The following NCBP3 variants were observed in gnomAD, a reference collection of about 807,000 sequenced individuals.
NCBP3 encodes the protein nuclear cap-binding protein subunit 3.
Under a neutral mutation model 75.7 loss-of-function variants are expected in NCBP3, and 20 were observed. That is an observed-to-expected ratio of 0.26 (90% confidence interval 0.19 to 0.38). The LOEUF is 0.38. NCBP3 is among the 10% of genes least tolerant of loss of function. The probability of loss-of-function intolerance (pLI) is 1.00; values close to 1 mark genes in which losing one functional copy is unlikely to be tolerated. For synonymous variants in NCBP3, 293 were observed against 290.5 expected (o/e 1.01, Z -0.09); for missense variants, 678 against 796.9 (o/e 0.85, Z 1.80).
rs1295214968 is a variant in NCBP3 at position 3,808,230 on chromosome 17, C to T, written c.*4814G>A. On this transcript the variant is annotated 3_prime_UTR_variant, in exon 13 of 13. Transcript: ENST00000389005. ...AGCCCTAACTGCAGGCCAATCACTT[C>T]ACCTGGTACTCAACCAAACAGTAAT... 2 of 152,250 alleles carry T rather than the reference C, an allele frequency of 1.3e-5. No individual in the cohort carries two copies. The highest frequency in any genetic ancestry group is 2.9e-5 in the Non-Finnish European group (2 of 68,046). 9.4% of individuals were successfully genotyped at this position (152,250 alleles called of 1,614,324 possible). A position where few individuals can be genotyped will look rare whatever the true frequency, so the allele number is the denominator to read the frequency against.
At position 3,824,622 on chromosome 17, in the gene NCBP3, G is replaced by C. The variant is rs374219909; in HGVS notation, c.796+320C>G. Reference sequence around the variant, plus strand: ...GTACACTGGCAATGTTCAGGAGGACGTTGCTGTAATAAATAAAGTTTCATT... The same window carrying C: ...GTACACTGGCAATGTTCAGGAGGACCTTGCTGTAATAAATAAAGTTTCATT... On this transcript the variant is annotated intron_variant, in intron 7 of 12. Coordinates refer to ENST00000389005, the MANE Select transcript of NCBP3 (RefSeq NM_001114118.3). 27 of 190,750 alleles carry C rather than the reference G, an allele frequency of 1.4e-4. No individual in the cohort carries two copies. The South Asian group carries it at 2.4e-3, about 17-fold the overall frequency. The allele number at this position is 190,750 out of a possible 1,614,324, so 11.8% of individuals were successfully genotyped here.
At chr17:3,819,516 C>T (rs1435282523) in intron 9 of NCBP3, among the ~76,000 whole-genome samples, 3 of 150,672 alleles carry the variant, frequency 2.0e-5, no homozygotes, top group Admixed American at 6.6e-5. Flanking sequence ...GCCGAGATCG[C>T]GCCACTGCAC....
intron 3 of NCBP3, among the ~76,000 whole-genome samples, chr17:3,838,996 T>C (rs942649403): frequency 1.2e-4 from 18 of 152,210 alleles, no homozygotes; most frequent in Non-Finnish European, 1.5e-5. Context: ...GGCTGCCTAC[T>C]AAACCCTTTA....
At chr17:3,836,609 C>A (rs529225364) in intron 3 of NCBP3, among the ~76,000 whole-genome samples, 3 of 147,292 alleles carry the variant, frequency 2.0e-5, no homozygotes, top group African/African-American at 7.5e-5. Context: ...GCCAAGATTG[C>A]GCCACTGCAC....
At chr17:3,817,621 T>G (rs187340759) in intron 10 of NCBP3, among the ~76,000 whole-genome samples, 2 of 151,656 alleles carry the variant, frequency 1.3e-5, no homozygotes, top group Admixed American at 6.6e-5. Context: ...AGAGCGAGAC[T>G]CCGTCTCAAA....
Position 3,816,181 on chromosome 17 carries a change from C to T in NCBP3, c.1400G>A (p.Arg467Gln), listed in dbSNP as rs756290280. The T allele has an allele frequency of 1.9e-6, 3 of 1,614,076 alleles. No homozygotes were observed. Among genetic ancestry groups the T allele is most frequent in the South Asian group, 1.1e-5 (1 of 91,068 alleles). ...KLPPEKFADVRHLLDEKRQHS... is the reference protein window; with the variant it reads ...KLPPEKFADVQHLLDEKRQHS... ...CTGACGTTTCTCATCTAATAGATGT[C>T]GGACATCTGCAAATTTCTCAGGTGG... Residue 467 changes from arginine (R) to glutamine (Q), a missense_variant, in exon 11 of 13, where the codon CGA (arginine) becomes CAA (glutamine). Around this residue, in one of 7 missense-constraint regions of NCBP3, gnomAD observed 365 missense variants for 392.7 expected, o/e 0.93. Transcript: ENST00000389005.
Position 3,826,259 on chromosome 17 carries a change from G to T in NCBP3, c.482-44C>A, listed in dbSNP as rs74710166. 1.5e-3 allele frequency: 2,306 copies of T among 1,503,148 alleles called. 17 individuals carry two copies. The East Asian group carries it at 0.017, about 11-fold the overall frequency. 93.1% of individuals were successfully genotyped at this position (1,503,148 alleles called of 1,614,324 possible). On this transcript the variant is annotated intron_variant, in intron 4 of 12. Coordinates refer to ENST00000389005, the MANE Select transcript of NCBP3 (RefSeq NM_001114118.3). ...TAAGACATTACACAGCATGGAAATG[G>T]TAAGCTTCTTGAGAGCAGATTCTGC... is the stretch of plus-strand genomic sequence containing the variant.
Position 3,843,367 on chromosome 17 carries a change from G to A in NCBP3, c.184-216C>T, listed in dbSNP as rs2054101121. ...CTCACGCCATCCTCCCCCTCAGCTG[G>A]GCCCTCAGGCATATGCCACCATGCC... is the stretch of plus-strand genomic sequence containing the variant. On this transcript the variant is annotated intron_variant, in intron 1 of 12. Transcript: ENST00000389005. Among the ~76,000 whole-genome samples the A allele has an allele frequency of 2.6e-5, 4 of 151,708 alleles. No individual in the cohort carries two copies. The South Asian group carries it at 8.4e-4, about 32-fold the overall frequency.
rs532870297 is a variant in NCBP3, at chr17:3,809,655, G to A, written c.*3389C>T. On this transcript the variant is annotated 3_prime_UTR_variant, in exon 13 of 13. Coordinates refer to ENST00000389005, the MANE Select transcript of NCBP3 (RefSeq NM_001114118.3). The stretch of plus-strand genomic sequence containing the variant: ...CCGGAGGTGGAGGTTGCAGTGGGCC[G>A]AGATCGTGCCATTGCACTCCAGCCT... 45 of 152,354 alleles carry A rather than the reference G, an allele frequency of 3.0e-4. No homozygotes were observed. Among genetic ancestry groups the A allele is most frequent in the African/African-American group, 9.6e-4 (40 of 41,564 alleles). 9.4% of individuals were successfully genotyped at this position (152,354 alleles called of 1,614,324 possible).
At position 3,818,158 on chromosome 17, in the gene NCBP3, G is replaced by A; in HGVS notation, c.1310+105C>T. ...GTTTATTAAACTCCTACAAGGGACT[G>A]AAATCAGAATAGATAAAAGATATTA... On this transcript the variant is annotated intron_variant, in intron 10 of 12. Coordinates refer to ENST00000389005, the MANE Select transcript of NCBP3 (RefSeq NM_001114118.3). This position sits in a 1 kb window ranked among gnomAD's most constrained non-coding sequence, Gnocchi z 4.7. The A allele has an allele frequency of 1.0e-6, 1 of 953,380 alleles. No individual in the cohort carries two copies. Among genetic ancestry groups the A allele is most frequent in the Non-Finnish European group, 1.5e-6 (1 of 665,022 alleles). The allele number at this position is 953,380 out of a possible 1,614,324, so 59.1% of individuals were successfully genotyped here.
chr17:3,834,533 TGGAAGGCCGAGGCG>T (rs1332200940), intron 3 of NCBP3, among the ~76,000 whole-genome samples: 3 of 152,318 alleles, frequency 2.0e-5, no homozygotes, highest in Middle Eastern at 3.4e-3. Flanking sequence ...CCCAACACTT[TGGAAGGCCGAGGCG>T]GGCAGATCAC....
Position 3,811,117 on chromosome 17 carries a change from G to T in NCBP3, c.*1927C>A, listed in dbSNP as rs1349919837. On this transcript the variant is annotated 3_prime_UTR_variant, in exon 13 of 13. Transcript: ENST00000389005. ...AATTCATGCTGGCGAGCCCACTGCC[G>T]TCACAGCTTGGGAAGAGTAAACCGC... 1 of 152,256 alleles carries T rather than the reference G, an allele frequency of 6.6e-6. No individual in the cohort carries two copies. 9.4% of individuals were successfully genotyped at this position (152,256 alleles called of 1,614,324 possible).
In NCBP3 at chr17:3,822,224, G is replaced by A. The variant is rs2053680980; in HGVS notation, c.797-172C>T. On this transcript the variant is annotated intron_variant, in intron 7 of 12. Transcript: ENST00000389005. ...TGAGTGCCCACTACAGCAATGCAGT[G>A]TAGAGGGGATAAAGCAAAATACAGA... 5.3e-6 allele frequency: 3 copies of A among 563,374 alleles called. No homozygotes were observed. The Admixed American group carries it at 9.9e-5, about 19-fold the overall frequency. The allele number at this position is 563,374 out of a possible 1,614,324, so 34.9% of individuals were successfully genotyped here.
In NCBP3 at chr17:3,812,995, T is replaced by G; in HGVS notation, c.*49A>C. 1 of 1,610,224 alleles carries G rather than the reference T, an allele frequency of 6.2e-7. No individual in the cohort carries two copies. Among genetic ancestry groups the G allele is most frequent in the Non-Finnish European group, 8.5e-7 (1 of 1,177,776 alleles). On this transcript the variant is annotated 3_prime_UTR_variant, in exon 13 of 13. Coordinates refer to ENST00000389005, the MANE Select transcript of NCBP3 (RefSeq NM_001114118.3). ...GAGGTTCCTACTGCGCGCCCCACCCTGTGCAAGAATGTCAGGCTTTAGGGC... is the reference window on the plus strand; with the variant it reads ...GAGGTTCCTACTGCGCGCCCCACCCGGTGCAAGAATGTCAGGCTTTAGGGC...
At chr17:3,837,884 G>A (rs955285656) in intron 3 of NCBP3, among the ~76,000 whole-genome samples, 1 of 151,928 alleles carries the variant, frequency 6.6e-6, no homozygotes, top group South Asian at 2.1e-4. Context: ...ACAAAGAATC[G>A]ACTGAAATAA....
At chr17:3,840,043 A>G in intron 3 of NCBP3, 57 bp downstream of exon 3, 1 of 1,359,174 alleles carries the variant, frequency 7.4e-7, no homozygotes. Flanking sequence ...AGGTGATGGC[A>G]GGGAAAAGGC....
At chr17:3,827,122 G>A (rs944154629) in intron 4 of NCBP3, among the ~76,000 whole-genome samples, 1 of 150,080 alleles carries the variant, frequency 6.7e-6, no homozygotes, top group African/African-American at 2.5e-5. Flanking sequence ...GGGAAGGGGA[G>A]GGAAAAGAAA....
Position 3,822,042 on chromosome 17 carries a change from CT to C in NCBP3, c.806del (p.Lys269ArgfsTer13). The C allele has an allele frequency of 6.2e-7, 1 of 1,605,204 alleles. No individual in the cohort carries two copies. Among genetic ancestry groups the C allele is most frequent in the Non-Finnish European group, 8.5e-7 (1 of 1,174,662 alleles). ...GACTTCTTCTGGCTGCTCCAAGTTC[CT>C]TTTTGTCATCTAAAAATTAATGACA... ...FMRFATKDDK[K>X]ELGAARRSQY... On this transcript the variant is annotated frameshift_variant, in exon 8 of 13. Transcript: ENST00000389005. LOFTEE classifies it high-confidence loss of function.
In NCBP3 at chr17:3,832,447, G is replaced by A. The variant is rs562695306; in HGVS notation, c.356-3079C>T. ...AGATCGAGACCATCCTGGCCAACAC[G>A]GTGAAACCCCGTCTCTACTAAAAAT... is the stretch of plus-strand genomic sequence containing the variant. On this transcript the variant is annotated intron_variant, in intron 3 of 12. Transcript: ENST00000389005. Among the ~76,000 whole-genome samples, 463 of 117,812 alleles carry A rather than the reference G, an allele frequency of 3.9e-3. 70 individuals are homozygous for A. Among genetic ancestry groups the A allele is most frequent in the African/African-American group, 8.0e-3 (313 of 39,028 alleles). 77.3% of individuals were successfully genotyped at this position (117,812 alleles called of 152,430 possible).
Sources: allele counts gnomAD v4.1 joint callset (sites outside exome capture counted in the v4.1 genomes callset), GRCh38; gene constraint gnomAD v4.1.1; regional missense constraint gnomAD v4.1.1; non-coding constraint Gnocchi (gnomAD v3.1); transcripts MANE v1.5; gene names NCBI Gene and HGNC (gene_info 2026-07-23, HGNC 2026-07-21).